The following FAT4 variants were observed in gnomAD, a reference collection of about 807,000 sequenced individuals.
The protein encoded by FAT4 is protocadherin Fat 4.
FAT4 carries 84 observed loss-of-function variants against 303.9 expected under a neutral mutation model. That is an observed-to-expected ratio of 0.28 (90% CI 0.23 to 0.33). The LOEUF is 0.33. FAT4 is among the 10% of genes least tolerant of loss of function. FAT4 has a pLI of 1.00. For synonymous variants in FAT4, 2,307 were observed against 2,298.8 expected (o/e 1.00, Z -0.10); for missense variants, 6,005 against 6,146.8 (o/e 0.98, Z 0.77).
intron 2 of FAT4, among the ~76,000 whole-genome samples, chr4:125,396,926 GTATATATATATATATATATATATATATA>G (rs66744105): frequency 2.8e-5 from 4 of 143,912 alleles, no homozygotes; most frequent in African/African-American, 1.0e-4. Context: ...ATGTGTGTGT[GTATATATATATATATATATATATATATA>G]TATATATATA....
intron 3 of FAT4, among the ~76,000 whole-genome samples, chr4:125,404,009 G>A (rs538658215): frequency 1.3e-5 from 2 of 152,124 alleles, no homozygotes; most frequent in South Asian, 4.2e-4. Flanking sequence ...TTGCTAGTTT[G>A]CCTTTAACAA....
Position 125,450,310 on chromosome 4 carries a change from C to T in FAT4, c.9300C>T (p.Ile3100=), listed in dbSNP as rs767776605. The T allele has an allele frequency of 6.6e-5, 106 of 1,613,982 alleles. No homozygotes were observed. In the South Asian group the frequency reaches 1.1e-3, roughly 17 times the overall value. Residue 3100 remains isoleucine, a synonymous_variant, in exon 10 of 18, where the codon ATC becomes ATT. Coordinates refer to ENST00000394329, the MANE Select transcript of FAT4 (RefSeq NM_001291303.3). The part of the protein sequence containing the change: ...EFSQSHMSAT[I]PESHSIGSIV... ...CTCAAAGCCACATGAGTGCAACCAT[C>T]CCTGAGAGCCATAGCATTGGGTCCA...
At chr4:125,342,751 A>G (rs1404188969) in intron 2 of FAT4, among the ~76,000 whole-genome samples, 1 of 151,902 alleles carries the variant, frequency 6.6e-6, no homozygotes, top group East Asian at 1.9e-4. Context: ...CAAGAATGAA[A>G]CACAATTTTA....
At chr4:125,400,358 CT>C (rs1734339832) in intron 3 of FAT4, among the ~76,000 whole-genome samples, 1 of 151,980 alleles carries the variant, frequency 6.6e-6, no homozygotes, top group Non-Finnish European at 1.5e-5. Context: ...TCATACTGCT[CT>C]CTTAAGAAAT....
At chr4:125,427,626 A>C (rs1320335644) in intron 7 of FAT4, among the ~76,000 whole-genome samples, 2 of 152,150 alleles carry the variant, frequency 1.3e-5, no homozygotes, top group African/African-American at 4.8e-5. Flanking sequence ...ATATAGGATG[A>C]CTGAATTTCA....
At chr4:125,455,269 T>TA (rs1348930723) in intron 10 of FAT4, among the ~76,000 whole-genome samples, 9 of 152,224 alleles carry the variant, frequency 5.9e-5, no homozygotes, top group African/African-American at 2.2e-4. Context: ...ACTACTGGTG[T>TA]GAACAAAGGC....
chr4:125,348,481 C>A (rs1732091051), intron 2 of FAT4, among the ~76,000 whole-genome samples: 1 of 151,558 alleles, frequency 6.6e-6, no homozygotes, highest in South Asian at 2.1e-4. Flanking sequence ...ACCTAGAGAG[C>A]AATCAATAAT....
intron 8 of FAT4, among the ~76,000 whole-genome samples, chr4:125,437,860 T>C (rs935370912): frequency 2.6e-5 from 4 of 152,168 alleles, no homozygotes; most frequent in Non-Finnish European, 2.9e-5. Context: ...TTTCAGTGGA[T>C]TAAGCAGAGT....
intron 2 of FAT4, among the ~76,000 whole-genome samples, chr4:125,330,135 C>T (rs977500927): frequency 1.8e-4 from 28 of 152,214 alleles, no homozygotes; most frequent in African/African-American, 5.5e-4. Context: ...CATTAGCCTT[C>T]GGGCTTTTGC....
chr4:125,449,175 A>C lies in FAT4; in HGVS notation c.8165A>C (p.His2722Pro). ...GNMENSFSIN[H>P]ATGEIRSVRP... is the part of the protein sequence containing the mutation. ...ATGGAAAATAGTTTCAGTATCAATC[A>C]TGCTACTGGTGAAATTAGAAGCGTT... is the stretch of plus-strand genomic sequence containing the variant. Residue 2722 changes from histidine (H) to proline (P), a missense_variant, in exon 10 of 18, where the codon CAT becomes CCT. Transcript: ENST00000394329. 1 of 1,613,976 alleles carries C rather than the reference A, an allele frequency of 6.2e-7. No individual in the cohort carries two copies.
chr4:125,411,913 A>G (rs1734863079), intron 5 of FAT4, among the ~76,000 whole-genome samples: 1 of 151,386 alleles, frequency 6.6e-6, no homozygotes, highest in Non-Finnish European at 1.5e-5. Flanking sequence ...TAAAACTGCC[A>G]GGAAGAGTCA....
chr4:125,473,365 A>T (rs993444634), intron 12 of FAT4, among the ~76,000 whole-genome samples: 1 of 152,078 alleles, frequency 6.6e-6, no homozygotes, highest in Non-Finnish European at 1.5e-5. Flanking sequence ...TATAACAAAC[A>T]AATCTTGGAT....
Position 125,490,227 on chromosome 4 carries a change from C to T in FAT4, c.13411C>T (p.Leu4471Phe). 1 of 1,614,176 alleles carries T rather than the reference C, an allele frequency of 6.2e-7. No individual in the cohort carries two copies. The highest frequency in any genetic ancestry group is 8.5e-7 in the Non-Finnish European group (1 of 1,180,038). ...GACCTGTGAGATGGTGGTGGCCTGT[C>T]TTGGCGTCCTCTGTCCTCAGGGGAA... ...GRTCEMVVAC[L>F]GVLCPQGKVC... The change falls in exon 18 of 18, where the codon CTT becomes TTT. Residue 4471 changes from leucine to phenylalanine, a missense_variant. By Grantham distance (22) the Leu-to-Phe change is conservative (BLOSUM62 0). Transcript: ENST00000394329.
chr4:125,382,628 T>C (rs1045380526), intron 2 of FAT4, among the ~76,000 whole-genome samples: 11 of 152,130 alleles, frequency 7.2e-5, no homozygotes, highest in Admixed American at 2.0e-4. Flanking sequence ...AAAAGATCAG[T>C]GGCTTCAGCT....
At chr4:125,477,521 T>C (rs1438164990) in intron 14 of FAT4, 187 bp downstream of exon 14, 5 of 428,946 alleles carry the variant, frequency 1.2e-5, no homozygotes, top group Non-Finnish European at 2.0e-5. Context: ...ATTAGAAAAT[T>C]AATATGTTTC....
chr4:125,400,745 G>A (rs1214261282), intron 3 of FAT4, among the ~76,000 whole-genome samples: 1 of 151,918 alleles, frequency 6.6e-6, no homozygotes, highest in Non-Finnish European at 1.5e-5. Context: ...CCTTGCAGAT[G>A]TTATCACTTA....
intron 7 of FAT4, among the ~76,000 whole-genome samples, chr4:125,419,026 A>G (rs74340824): frequency 0.18 from 27,810 of 152,212 alleles, 2,722 homozygotes; most frequent in Middle Eastern, 0.3. Flanking sequence ...AGTTAAATAC[A>G]TAGACTTTAT....
At chr4:125,351,659 C>G (rs2710544) in intron 2 of FAT4, among the ~76,000 whole-genome samples, 11,643 of 151,672 alleles carry the variant, frequency 0.077, 548 homozygotes, top group South Asian at 0.16. Flanking sequence ...TAGAACCAAA[C>G]TCCCATATGA....
intron 2 of FAT4, among the ~76,000 whole-genome samples, chr4:125,369,974 T>G (rs572453284): frequency 5.5e-4 from 84 of 152,310 alleles, no homozygotes; most frequent in African/African-American, 1.9e-3. Flanking sequence ...AAAGACCGAA[T>G]AGTATTCCAT....
Sources: gnomAD v4.1 joint callset for allele counts (sites outside exome capture counted in the v4.1 genomes callset) on GRCh38, gnomAD v4.1.1 for gene constraint, MANE v1.5 for transcripts, NCBI Gene and HGNC (gene_info 2026-07-23, HGNC 2026-07-21) for gene names.